Variants in DIP2B observed in about 807,000 individuals in gnomAD.
DIP2B encodes the protein disco-interacting protein 2 homolog B.
Under a neutral mutation model 198.0 loss-of-function variants are expected in DIP2B, and 76 were observed. That is an observed-to-expected ratio of 0.38 (90% CI 0.32 to 0.46). DIP2B has a LOEUF of 0.46. Ranked by LOEUF, DIP2B falls within the 20% of genes least tolerant of loss-of-function variation. The probability of loss-of-function intolerance (pLI) is 0.99; values close to 1 mark genes in which losing one functional copy is unlikely to be tolerated. For synonymous variants in DIP2B, 701 were observed against 739.1 expected (o/e 0.95, Z 0.84); for missense variants, 1,559 against 1,978.4 (o/e 0.79, Z 4.02).
chr12:50,717,590 G>A (rs1939752754), intron 23 of DIP2B, among the ~76,000 whole-genome samples: 1 of 150,982 alleles, frequency 6.6e-6, no homozygotes. Context: ...GATGGTCTCG[G>A]TCTCCTGACC....
rs1205734576 is a variant in DIP2B, at chr12:50,664,830, G to GT, written c.427+4516dup. 1.8e-4 allele frequency among the ~76,000 whole-genome samples: 18 copies of GT among 99,644 alleles called. 1 individual carries two copies. Among genetic ancestry groups the GT allele is most frequent in the African/African-American group, 7.5e-4 (18 of 23,974 alleles). The allele number at this position is 99,644 out of a possible 152,430, so 65.4% of individuals were successfully genotyped here. ...CAAGGAGAATTTCCCTCCTTTTTTG[G>GT]TTTTTGTTTTTTTTTTTTTTTTTTT... is the stretch of plus-strand genomic sequence containing the variant. On this transcript the variant is annotated intron_variant, in intron 4 of 37. Coordinates refer to ENST00000301180, the MANE Select transcript of DIP2B (RefSeq NM_173602.3).
chr12:50,633,439 G>A (rs765657520), intron 2 of DIP2B: 15 of 152,244 alleles, frequency 9.9e-5, no homozygotes, highest in African/African-American at 2.6e-4. Flanking sequence ...AAAATAGACC[G>A]AAAAAGGAAG....
chr12:50,726,570 C>T (rs779638573), intron 28 of DIP2B, among the ~76,000 whole-genome samples: 4 of 151,904 alleles, frequency 2.6e-5, no homozygotes, highest in Non-Finnish European at 4.4e-5. Context: ...AGGCTGGTCT[C>T]GAACCCCAGT....
At chr12:50,594,721 A>G (rs1958863758) in intron 1 of DIP2B, among the ~76,000 whole-genome samples, 2 of 152,228 alleles carry the variant, frequency 1.3e-5, no homozygotes, top group African/African-American at 4.8e-5. Flanking sequence ...GAAAATATCA[A>G]AATATATTTA....
At chr12:50,671,923 G>A (rs754859082) in intron 5 of DIP2B, among the ~76,000 whole-genome samples, 11 of 152,170 alleles carry the variant, frequency 7.2e-5, no homozygotes, top group South Asian at 2.1e-4. Context: ...AGCTGCTATC[G>A]ATACACTGCA....
rs1285202314 is a variant in DIP2B, at chr12:50,539,578, T to TG, written c.100+34339dup. 1.0e-4 allele frequency among the ~76,000 whole-genome samples: 15 copies of TG among 147,216 alleles called. No individual in the cohort carries two copies. In the East Asian group the frequency reaches 3.0e-3, roughly 30 times the overall value. On this transcript the variant is annotated intron_variant, in intron 1 of 37. Transcript: ENST00000301180. ...TTGCAGTGAGCCAAGATCATGCCAT[T>TG]GCGCTCCAGCCTGGGCAACAAGAGT... is the stretch of plus-strand genomic sequence containing the variant.
At chr12:50,562,456 C>T (rs189255662) in intron 1 of DIP2B, among the ~76,000 whole-genome samples, 1 of 152,028 alleles carries the variant, frequency 6.6e-6, no homozygotes, top group East Asian at 1.9e-4. Flanking sequence ...AAATTCTAGT[C>T]GGGCACGGTG....
At chr12:50,741,311 G>A (rs1404939417) in intron 36 of DIP2B, 105 bp from the exon 37 acceptor site, 8 of 1,408,052 alleles carry the variant, frequency 5.7e-6, no homozygotes, top group East Asian at 4.8e-5. Flanking sequence ...GTTGGTAGGG[G>A]CAGAGCCAGG....
At chr12:50,526,149 C>CAAATG in intron 1 of DIP2B, among the ~76,000 whole-genome samples, 1 of 152,200 alleles carries the variant, frequency 6.6e-6, no homozygotes, top group Admixed American at 6.5e-5. Flanking sequence ...GTTCAGTGAA[C>CAAATG]AAATGGACTT....
intron 1 of DIP2B, among the ~76,000 whole-genome samples, chr12:50,572,990 A>G (rs1958628017): frequency 6.6e-6 from 1 of 152,200 alleles, no homozygotes; most frequent in African/African-American, 2.4e-5. Context: ...AAAACAGAGA[A>G]CACTCTTGGC....
At chr12:50,633,819 A>G (rs1938108610) in intron 2 of DIP2B, among the ~76,000 whole-genome samples, 1 of 152,112 alleles carries the variant, frequency 6.6e-6, no homozygotes, top group African/African-American at 2.4e-5. Context: ...TTAGGTTCTA[A>G]AGTCACTGTA....
At chr12:50,662,173 A>G (rs1038735787) in intron 4 of DIP2B, among the ~76,000 whole-genome samples, 25 of 152,364 alleles carry the variant, frequency 1.6e-4, no homozygotes, top group African/African-American at 4.8e-4. Flanking sequence ...CAAAGATACA[A>G]TCCTTTCTCC....
At chr12:50,522,911 A>G (rs1161022483) in intron 1 of DIP2B, among the ~76,000 whole-genome samples, 5 of 152,206 alleles carry the variant, frequency 3.3e-5, no homozygotes, top group Non-Finnish European at 7.3e-5. Flanking sequence ...TGGCAGGGGA[A>G]GAATGGGAAT....
intron 1 of DIP2B, among the ~76,000 whole-genome samples, chr12:50,568,337 C>G (rs1400298858): frequency 1.3e-5 from 2 of 152,126 alleles, no homozygotes; most frequent in African/African-American, 4.8e-5. Context: ...TTCTTGGGCT[C>G]CTAGGGGCTT....
chr12:50,652,790 C>T (rs1938480356), intron 3 of DIP2B, among the ~76,000 whole-genome samples: 2 of 152,088 alleles, frequency 1.3e-5, no homozygotes, highest in African/African-American at 4.8e-5. Context: ...TTAATTTCTT[C>T]CAGAGATGTT....
chr12:50,592,281 C>T (rs2139430614), intron 1 of DIP2B, among the ~76,000 whole-genome samples: 1 of 151,704 alleles, frequency 6.6e-6, no homozygotes, highest in South Asian at 2.1e-4. Context: ...CTCAGGCAAT[C>T]CTCTTGCCTC....
intron 1 of DIP2B, among the ~76,000 whole-genome samples, chr12:50,568,976 C>T (rs1381679755): frequency 6.6e-6 from 1 of 151,364 alleles, no homozygotes; most frequent in Non-Finnish European, 1.5e-5. Context: ...TAAGAATTCT[C>T]TTCCCTAGTC....
At chr12:50,717,573 TAG>T (rs1939751919) in intron 23 of DIP2B, among the ~76,000 whole-genome samples, 8 of 151,702 alleles carry the variant, frequency 5.3e-5, no homozygotes, top group Non-Finnish European at 1.2e-4. Flanking sequence ...TTCACCGCGT[TAG>T]CCGGGATGGT....
intron 1 of DIP2B, among the ~76,000 whole-genome samples, chr12:50,577,270 G>T (rs1048291831): frequency 6.6e-6 from 1 of 152,166 alleles, no homozygotes; most frequent in African/African-American, 2.4e-5. Context: ...CATGGCTCAT[G>T]CCTGTAATCT....
Sources: allele counts gnomAD v4.1 joint callset (sites outside exome capture counted in the v4.1 genomes callset), GRCh38; gene constraint gnomAD v4.1.1; transcripts MANE v1.5; gene names NCBI Gene and HGNC (gene_info 2026-07-23, HGNC 2026-07-21).